Variants in DNAL4 observed in about 807,000 individuals in gnomAD.
The protein encoded by DNAL4 is dynein light chain, outer arm 4.
A neutral mutation model predicts 12.6 loss-of-function variants in DNAL4; 10 were observed. The ratio of observed to expected loss-of-function variants is 0.79; its 90% confidence interval spans 0.49 to 1.34. The LOEUF is 1.34. DNAL4 is among the 40% of genes most tolerant of loss of function. The pLI is 0.00. For missense variants in DNAL4, 128 were observed against 138.1 expected, an observed-to-expected ratio of 0.93 and a Z score of 0.37; for synonymous variants, 46 against 53.1, an observed-to-expected ratio of 0.87 and a Z score of 0.58.
intron 1 of DNAL4, among the ~76,000 whole-genome samples, chr22:38,783,332 A>T (rs1372798526): frequency 6.9e-6 from 1 of 145,090 alleles, no homozygotes; most frequent in East Asian, 2.0e-4. Context: ...CTCCCACTAC[A>T]CACGCGGGCC....
At chr22:38,783,618 T>C (rs1445919300) in intron 1 of DNAL4, among the ~76,000 whole-genome samples, 1 of 152,216 alleles carries the variant, frequency 6.6e-6, no homozygotes, top group African/African-American at 2.4e-5. Flanking sequence ...TTCCTACTCC[T>C]TCTTGGACCA....
At chr22:38,783,363 G>A (rs1309477968) in intron 1 of DNAL4, among the ~76,000 whole-genome samples, 2 of 149,746 alleles carry the variant, frequency 1.3e-5, no homozygotes, top group South Asian at 4.2e-4. Flanking sequence ...CTACATACGC[G>A]GGCCTTCCCT....
At chr22:38,784,908 C>T (rs570784907) in intron 1 of DNAL4, among the ~76,000 whole-genome samples, 286 of 152,158 alleles carry the variant, frequency 1.9e-3, no homozygotes, top group African/African-American at 6.2e-3. Flanking sequence ...ATTTGATCCC[C>T]GCTCCAATGA....
chr22:38,783,037 G>A (rs2093036681), intron 1 of DNAL4, among the ~76,000 whole-genome samples, 167 bp from the exon 2 acceptor site: 1 of 152,192 alleles, frequency 6.6e-6, no homozygotes, highest in Non-Finnish European at 1.5e-5. Context: ...AACACGAGAT[G>A]CTGGGACCTG....
chr22:38,779,257 G>T lies in DNAL4; in HGVS notation c.*192C>A. The T allele has an allele frequency of 1.4e-6, 1 of 724,572 alleles. No homozygotes were observed. The highest frequency in any genetic ancestry group is 2.1e-6 in the Non-Finnish European group (1 of 469,278). 44.9% of individuals were successfully genotyped at this position (724,572 alleles called of 1,614,324 possible). A position where few individuals can be genotyped will look rare whatever the true frequency, so the allele number is the denominator to read the frequency against. On this transcript the variant is annotated 3_prime_UTR_variant, in exon 4 of 4. Coordinates refer to ENST00000216068, the MANE Select transcript of DNAL4 (RefSeq NM_005740.3). This position sits in a 1 kb window ranked among gnomAD's most constrained non-coding sequence, Gnocchi z 4.3. The stretch of plus-strand genomic sequence containing the variant: ...CCGTCCACACCCTGAGACTCCGAGG[G>T]AGACGGTTGAGAGCCTGGGGATGGA...
At chr22:38,788,592 A>G (rs2093045866) in intron 1 of DNAL4, among the ~76,000 whole-genome samples, 1 of 152,192 alleles carries the variant, frequency 6.6e-6, no homozygotes, top group African/African-American at 2.4e-5. Context: ...TGCACCCTCA[A>G]GGACTTAGCC....
chr22:38,793,857 G>A (rs2093054687), intron 1 of DNAL4, among the ~76,000 whole-genome samples: 2 of 151,808 alleles, frequency 1.3e-5, no homozygotes, highest in African/African-American at 4.8e-5. Flanking sequence ...GAGTCGCGAT[G>A]GCAAACCTGT....
At chr22:38,788,943 GCA>G (rs917571942) in intron 1 of DNAL4, among the ~76,000 whole-genome samples, 5 of 152,332 alleles carry the variant, frequency 3.3e-5, no homozygotes, top group African/African-American at 1.2e-4. Flanking sequence ...ATGCCCCAGA[GCA>G]CAAAGGCCAG....
intron 1 of DNAL4, among the ~76,000 whole-genome samples, chr22:38,790,146 G>A (rs2093048358): frequency 6.6e-6 from 1 of 152,160 alleles, no homozygotes; most frequent in Non-Finnish European, 1.5e-5. Context: ...GAGCCACCAT[G>A]CCTGGCAAGA....
intron 1 of DNAL4, among the ~76,000 whole-genome samples, chr22:38,787,100 T>C (rs911761596): frequency 6.6e-6 from 1 of 152,120 alleles, no homozygotes; most frequent in South Asian, 2.1e-4. Flanking sequence ...ACCTGAGAGA[T>C]TGCAGGACAC....
At chr22:38,789,554 G>C (rs1379008493) in intron 1 of DNAL4, among the ~76,000 whole-genome samples, 3 of 152,176 alleles carry the variant, frequency 2.0e-5, no homozygotes, top group Admixed American at 2.0e-4. Flanking sequence ...GGGATTATAA[G>C]CGTGAGTCAC....
At chr22:38,780,479 C>T (rs555895699) in intron 3 of DNAL4, among the ~76,000 whole-genome samples, 67 of 152,372 alleles carry the variant, frequency 4.4e-4, no homozygotes, top group Non-Finnish European at 1.3e-4. Flanking sequence ...TGACTTCTCG[C>T]TCTCCCCACC....
intron 2 of DNAL4, among the ~76,000 whole-genome samples, chr22:38,781,904 C>T (rs956408722): frequency 1.2e-4 from 19 of 152,206 alleles, no homozygotes; most frequent in East Asian, 7.7e-4. Context: ...GCGGCCTCCT[C>T]GCTGGTCTCC....
At chr22:38,780,128 G>A (rs1323669464) in intron 3 of DNAL4, among the ~76,000 whole-genome samples, 1 of 152,176 alleles carries the variant, frequency 6.6e-6, no homozygotes, top group African/African-American at 2.4e-5. Context: ...CGTGCCCCCT[G>A]TGTGAGGAGG....
intron 3 of DNAL4, 114 bp downstream of exon 3, chr22:38,780,812 T>C: frequency 9.7e-7 from 1 of 1,032,522 alleles, no homozygotes; most frequent in Non-Finnish European, 1.5e-6. Context: ...CAAGGAAGGC[T>C]CTGGCCTCAT....
intron 1 of DNAL4, among the ~76,000 whole-genome samples, chr22:38,793,474 C>T (rs1338593350): frequency 2.0e-5 from 3 of 152,154 alleles, no homozygotes; most frequent in African/African-American, 7.2e-5. Context: ...ATTAGGTTTG[C>T]CAAGTTATTT....
chr22:38,789,263 T>C (rs1402992868), intron 1 of DNAL4, among the ~76,000 whole-genome samples: 1 of 152,144 alleles, frequency 6.6e-6, no homozygotes, highest in East Asian at 1.9e-4. Context: ...CTTCAAAGAT[T>C]ATGCTTTTTC....
At chr22:38,784,622 C>T (rs1250564355) in intron 1 of DNAL4, among the ~76,000 whole-genome samples, 4 of 151,928 alleles carry the variant, frequency 2.6e-5, no homozygotes, top group African/African-American at 7.3e-5. Context: ...GCCATTCTCC[C>T]GCCTCAGCCT....
Position 38,779,629 on chromosome 22 carries a change from C to A in DNAL4, c.154-16G>T. On this transcript the variant is annotated splice_polypyrimidine_tract_variant and intron_variant, in intron 3 of 3. Coordinates refer to ENST00000216068, the MANE Select transcript of DNAL4 (RefSeq NM_005740.3). The surrounding 1 kb of genome is among the most constrained non-coding windows in gnomAD (Gnocchi z 4.3). ...TGGCGGCGCTCTGGAAGGAAGAGGG[C>A]ACTTATCAAGGGGGCGCAGGGCAGG... The A allele has an allele frequency of 6.3e-7, 1 of 1,590,068 alleles. No homozygotes were observed. The highest frequency in any genetic ancestry group is 1.3e-5 in the African/African-American group (1 of 74,476).
Sources: allele counts gnomAD v4.1 joint callset (sites outside exome capture counted in the v4.1 genomes callset), GRCh38; gene constraint gnomAD v4.1.1; non-coding constraint Gnocchi (gnomAD v3.1); transcripts MANE v1.5; gene names NCBI Gene and HGNC (gene_info 2026-07-23, HGNC 2026-07-21).